PCNX3: variants seen among roughly 807,000 people sequenced by gnomAD.
PCNX3 encodes pecanex-like protein 3.
Under a neutral mutation model 207.2 loss-of-function variants are expected in PCNX3, and 58 were observed. That is an observed-to-expected ratio of 0.28 (90% CI 0.23 to 0.35). PCNX3 has a LOEUF of 0.35. Among genes scored for constraint, PCNX3 ranks in the 10% least tolerant of loss-of-function variants. The pLI, the probability that PCNX3 is intolerant of heterozygous loss-of-function variation, is 1.00. For synonymous variants in PCNX3, 1,337 were observed against 1,183.5 expected, an observed-to-expected ratio of 1.13 and a Z score of -2.66; for missense variants, 2,410 against 2,774.4, an observed-to-expected ratio of 0.87 and a Z score of 2.95.
chr11:65,625,011 A>C lies in PCNX3; in HGVS notation c.2914A>C (p.Ile972Leu). 1 of 1,612,200 alleles carries C rather than the reference A, an allele frequency of 6.2e-7. No homozygotes were observed. The highest frequency in any genetic ancestry group is 1.1e-5 in the South Asian group (1 of 90,916). ...ALLYGFCLGA[I>L]KTPWPEQHVP... ...GCTCTACGGTTTCTGCCTTGGGGCC[A>C]TCAAGGTAGGGGTGGCTTGCGAGGT... Residue 972 changes from isoleucine (I) to leucine (L), a missense_variant, in exon 16 of 35, where the codon ATC (isoleucine) becomes CTC (leucine). Ile to Leu is a conservative substitution (Grantham distance 5). Around this residue, in one of 8 missense-constraint regions of PCNX3, gnomAD observed 333 missense variants for 386.8 expected, o/e 0.86. Coordinates refer to ENST00000355703, the MANE Select transcript of PCNX3 (RefSeq NM_032223.4). This position sits in a 1 kb window ranked among gnomAD's most constrained non-coding sequence, Gnocchi z 5.6.
At chr11:65,628,776 C>A in intron 23 of PCNX3, 43 bp from the exon 24 acceptor site, 1 of 1,602,150 alleles carries the variant, frequency 6.2e-7, no homozygotes. Flanking sequence ...TGGTGGGGGG[C>A]TGGGAGGTCC....
chr11:65,617,125 C>G (rs1241279267), intron 2 of PCNX3, 114 bp downstream of exon 2: 2 of 1,390,224 alleles, frequency 1.4e-6, no homozygotes, highest in South Asian at 2.6e-5. Flanking sequence ...ATTGTGAACA[C>G]TTGTCCTGTG....
chr11:65,635,282 A>G lies in PCNX3; in HGVS notation c.5018A>G (p.Asn1673Ser), dbSNP rs1335737706. Reference sequence around the variant, plus strand: ...GCCCTATACGATGCCATTGCGGCCAACGAGGAGCGGCTGGTCATCTCACAT... The same window carrying G: ...GCCCTATACGATGCCATTGCGGCCAGCGAGGAGCGGCTGGTCATCTCACAT... ...PAALYDAIAA[N>S]EERLVISHEG... The change falls in exon 31 of 35, where the codon AAC becomes AGC. Residue 1673 changes from asparagine (N) to serine (S), a missense_variant. By Grantham distance (46) the Asn-to-Ser change is conservative. Around this residue, in one of 8 missense-constraint regions of PCNX3, gnomAD observed 420 missense variants for 705.3 expected, o/e 0.60. Coordinates refer to ENST00000355703, the MANE Select transcript of PCNX3 (RefSeq NM_032223.4). The surrounding 1 kb of genome is among the most constrained non-coding windows in gnomAD (Gnocchi z 9.9). 1.9e-6 allele frequency: 3 copies of G among 1,592,854 alleles called. No individual in the cohort carries two copies. Among genetic ancestry groups the G allele is most frequent in the Non-Finnish European group, 1.7e-6 (2 of 1,170,214 alleles).
At chr11:65,624,063 AC>A in intron 13 of PCNX3, 102 bp downstream of exon 13, 1 of 1,566,834 alleles carries the variant, frequency 6.4e-7, no homozygotes, top group Non-Finnish European at 8.6e-7. Context: ...CTCCCTCACC[AC>A]CCCCATCACC....
In PCNX3 at chr11:65,635,356, C is replaced by T. The variant is rs1338607364; in HGVS notation, c.5092C>T (p.Leu1698=). Residue 1698 remains leucine (L), a synonymous_variant, in exon 31 of 35, where the codon CTG becomes TTG. Coordinates refer to ENST00000355703, the MANE Select transcript of PCNX3 (RefSeq NM_032223.4). The surrounding 1 kb of genome is among the most constrained non-coding windows in gnomAD (Gnocchi z 9.9). ...RSAILSNTPS[L]LALRHVLDDA... is the part of the protein sequence containing the mutation. The stretch of plus-strand genomic sequence containing the variant: ...CGCCATCCTCAGCAACACGCCCTCC[C>T]TGCTGGCGCTGCGCCATGTCCTGGA... The T allele has an allele frequency of 6.2e-7, 1 of 1,611,250 alleles. No individual in the cohort carries two copies. The highest frequency in any genetic ancestry group is 1.3e-5 in the African/African-American group (1 of 74,874).
At chr11:65,630,245 G>A in intron 26 of PCNX3, 106 bp from the exon 27 acceptor site, 2 of 1,462,424 alleles carry the variant, frequency 1.4e-6, no homozygotes, top group South Asian at 2.7e-5. Context: ...TGGCGTCCAA[G>A]GGGGTGAATG....
At chr11:65,628,286 AT>A (rs1215914416) in intron 22 of PCNX3, among the ~76,000 whole-genome samples, 1 of 152,204 alleles carries the variant, frequency 6.6e-6, no homozygotes, top group East Asian at 1.9e-4. Context: ...GAAGTCATTT[AT>A]CTTCTCTGTC....
chr11:65,619,349 C>G (rs920013681), intron 6 of PCNX3, 188 bp from the exon 7 acceptor site: 2 of 799,726 alleles, frequency 2.5e-6, no homozygotes, highest in Non-Finnish European at 3.0e-6. Flanking sequence ...GGGGCAGGGC[C>G]GATCAGTGTC....
intron 20 of PCNX3, 93 bp from the exon 21 acceptor site, chr11:65,626,811 C>G: frequency 6.5e-7 from 1 of 1,528,796 alleles, no homozygotes; most frequent in Non-Finnish European, 8.8e-7. Context: ...TCCGAGGAGT[C>G]AGGACCGCAC....
At chr11:65,623,895 G>A in intron 12 of PCNX3, 34 bp from the exon 13 acceptor site, 3 of 1,612,344 alleles carry the variant, frequency 1.9e-6, no homozygotes, top group Non-Finnish European at 8.5e-7. Flanking sequence ...GTGGGCATCG[G>A]CTCTAGTTGC....
At position 65,618,345 on chromosome 11, in the gene PCNX3, G is replaced by A. The variant is rs769955587; in HGVS notation, c.983G>A (p.Gly328Glu). 5.0e-6 allele frequency: 8 copies of A among 1,611,998 alleles called. No individual in the cohort carries two copies. The highest frequency in any genetic ancestry group is 5.9e-6 in the Non-Finnish European group (7 of 1,179,376). Residue 328 changes from glycine (G) to glutamate (E), a missense_variant, in exon 6 of 35, where the codon GGG becomes GAG. Gly to Glu is a moderately conservative substitution (Grantham distance 98). Coordinates refer to ENST00000355703, the MANE Select transcript of PCNX3 (RefSeq NM_032223.4). ...TCCACCCATCTGGACAGCCCCCCAGGGGGGCCAGCCCCTGAGGGCAGCGAC... is the reference window on the plus strand; with the variant it reads ...TCCACCCATCTGGACAGCCCCCCAGAGGGGCCAGCCCCTGAGGGCAGCGAC... ...TNSTHLDSPP[G>E]GPAPEGSDTD... is the part of the protein sequence containing the mutation.
Position 65,618,803 on chromosome 11 carries a change from C to A in PCNX3, c.1441C>A (p.Pro481Thr). Residue 481 changes from proline to threonine, a missense_variant, in exon 6 of 35, where the codon CCC becomes ACC. This residue lies in a region of PCNX3 where 1,104 missense variants were observed against 970.3 expected (regional missense o/e 1.14). Coordinates refer to ENST00000355703, the MANE Select transcript of PCNX3 (RefSeq NM_032223.4). ...PHGAEEGTAV[P>T]PKRPYGTQRT... ...TGGGGCTGAGGAGGGAACTGCTGTG[C>A]CCCCCAAGCGGCCATATGGGACCCA... 1 of 1,610,992 alleles carries A rather than the reference C, an allele frequency of 6.2e-7. No individual in the cohort carries two copies. Among genetic ancestry groups the A allele is most frequent in the Non-Finnish European group, 8.5e-7 (1 of 1,179,216 alleles).
In PCNX3 at chr11:65,616,905, T is replaced by C; in HGVS notation, c.235T>C (p.Tyr79His). The change falls in exon 2 of 35, where the codon TAT becomes CAT. Residue 79 changes from tyrosine to histidine, a missense_variant. By Grantham distance (83) the Tyr-to-His change is moderately conservative. Transcript: ENST00000355703. ...VIFATIKTVN[Y>H]RLHAMFDQGE... ...CTTTGCTACTATCAAGACTGTCAATTATCGGCTTCATGCCATGTTTGACCA... is the reference window on the plus strand; with the variant it reads ...CTTTGCTACTATCAAGACTGTCAATCATCGGCTTCATGCCATGTTTGACCA... 6.2e-7 allele frequency: 1 copy of C among 1,613,620 alleles called. No individual in the cohort carries two copies. Among genetic ancestry groups the C allele is most frequent in the Non-Finnish European group, 8.5e-7 (1 of 1,179,864 alleles).
In PCNX3 at chr11:65,626,999, A is replaced by G; in HGVS notation, c.3475A>G (p.Thr1159Ala). Residue 1159 changes from threonine to alanine, a missense_variant, in exon 21 of 35, where the codon ACG (threonine) becomes GCG (alanine). This residue lies in a region of PCNX3 where 333 missense variants were observed against 386.8 expected (regional missense o/e 0.86). Transcript: ENST00000355703. ...IYPAVVLNALTVDAHTVVSHP... is the reference protein window; with the variant it reads ...IYPAVVLNALAVDAHTVVSHP... ...CCCCGCCGTGGTGCTCAACGCCCTC[A>G]CGGTGGACGCCCACACAGTCGTCAG... 6.5e-7 allele frequency: 1 copy of G among 1,547,234 alleles called. No homozygotes were observed. Among genetic ancestry groups the G allele is most frequent in the African/African-American group, 1.4e-5 (1 of 72,506 alleles).
Position 65,617,981 on chromosome 11 carries a change from C to T in PCNX3, c.619C>T (p.Pro207Ser), listed in dbSNP as rs746441563. The change falls in exon 6 of 35, where the codon CCC becomes TCC. Residue 207 changes from proline (P) to serine (S), a missense_variant. Coordinates refer to ENST00000355703, the MANE Select transcript of PCNX3 (RefSeq NM_032223.4). Reference protein sequence around the residue: ...PQTPPGAVPDPSLASTDSSEP... With the variant: ...PQTPPGAVPDSSLASTDSSEP... ...GACGCCTCCAGGGGCTGTCCCAGAC[C>T]CCTCTCTTGCCAGTACAGACTCTTC... 1 of 1,608,276 alleles carries T rather than the reference C, an allele frequency of 6.2e-7. No homozygotes were observed. The highest frequency in any genetic ancestry group is 1.1e-5 in the South Asian group (1 of 90,780).
In PCNX3 at chr11:65,634,564, G is replaced by A; in HGVS notation, c.4728G>A (p.Pro1576=). The change falls in exon 29 of 35, where the codon CCG becomes CCA. Residue 1576 remains proline, a synonymous_variant. Transcript: ENST00000355703. ...SQPVDQDWNS[P]LVTLCFGLCV... ...CCGTGGACCAGGATTGGAACTCCCC[G>A]CTGGTCACGCTGTGTTTTGGCCTGT... 1.9e-6 allele frequency: 3 copies of A among 1,602,272 alleles called. No homozygotes were observed. Among genetic ancestry groups the A allele is most frequent in the Non-Finnish European group, 2.5e-6 (3 of 1,177,310 alleles).
chr11:65,626,231 G>A lies in PCNX3; in HGVS notation c.3379+177G>A, dbSNP rs752977797. 80 of 902,720 alleles carry A rather than the reference G, an allele frequency of 8.9e-5. No individual in the cohort carries two copies. The Middle Eastern group carries it at 1.5e-3, about 17-fold the overall frequency. 55.9% of individuals were successfully genotyped at this position (902,720 alleles called of 1,614,324 possible). A position where few individuals can be genotyped will look rare whatever the true frequency, so the allele number is the denominator to read the frequency against. Reference sequence around the variant, plus strand: ...GTGTTGCCCGGCTGCGCTCTCCACCGACTCTTCTCCTCGTGCCCTGCTGTG... The same window carrying A: ...GTGTTGCCCGGCTGCGCTCTCCACCAACTCTTCTCCTCGTGCCCTGCTGTG... On this transcript the variant is annotated intron_variant, in intron 20 of 34. Transcript: ENST00000355703.
At chr11:65,616,687 G>C (rs539484742) in intron 1 of PCNX3, 137 bp from the exon 2 acceptor site, 55 of 1,062,488 alleles carry the variant, frequency 5.2e-5, no homozygotes, top group Non-Finnish European at 7.3e-5. Flanking sequence ...CCTTTGTCGA[G>C]GTCTGTGTAC....
In PCNX3 at chr11:65,616,083, C is replaced by T. The variant is rs1340950709; in HGVS notation, c.-229C>T. The T allele has an allele frequency of 9.0e-6, 3 of 334,084 alleles. No homozygotes were observed. The highest frequency in any genetic ancestry group is 1.6e-5 in the Non-Finnish European group (3 of 185,914). 20.7% of individuals were successfully genotyped at this position (334,084 alleles called of 1,614,324 possible). A position where few individuals can be genotyped will look rare whatever the true frequency, so the allele number is the denominator to read the frequency against. On this transcript the variant is annotated 5_prime_UTR_variant, in exon 1 of 35. Transcript: ENST00000355703. Reference sequence around the variant, plus strand: ...AGGAGTGGGGACCCGGACCCCGCCCCTGATGCAGCCCCACCCCCGCGTCCG... The same window carrying T: ...AGGAGTGGGGACCCGGACCCCGCCCTTGATGCAGCCCCACCCCCGCGTCCG...
Sources: gnomAD v4.1 joint callset for allele counts (sites outside exome capture counted in the v4.1 genomes callset) on GRCh38, gnomAD v4.1.1 for gene constraint, gnomAD v4.1.1 regional missense constraint, Gnocchi (gnomAD v3.1) non-coding constraint, MANE v1.5 for transcripts, NCBI Gene and HGNC (gene_info 2026-07-23, HGNC 2026-07-21) for gene names.